The following TBC1D16 variants were observed in gnomAD, a reference collection of about 807,000 sequenced individuals.
TBC1D16 encodes CTD-2529O21.1.
A neutral mutation model predicts 74.7 loss-of-function variants in TBC1D16; 58 were observed. The observed-to-expected ratio is 0.78, with a 90% CI of 0.63 to 0.97. TBC1D16 has a LOEUF of 0.97. TBC1D16 is among the 50% of genes least tolerant of loss of function. TBC1D16 has a pLI of 0.00. For missense variants in TBC1D16, 1,014 were observed against 1,079.5 expected (o/e 0.94, Z 0.85); for synonymous variants, 493 against 474.7 (o/e 1.04, Z -0.50).
At position 79,961,518 on chromosome 17, in the gene TBC1D16, T is replaced by C. The variant is rs950910215; in HGVS notation, c.780-8700A>G. Among the ~76,000 whole-genome samples, 1 of 152,206 alleles carries C rather than the reference T, an allele frequency of 6.6e-6. No homozygotes were observed. The highest frequency in any genetic ancestry group is 2.4e-5 in the African/African-American group (1 of 41,458). On this transcript the variant is annotated intron_variant, in intron 3 of 11. Coordinates refer to ENST00000310924, the MANE Select transcript of TBC1D16 (RefSeq NM_019020.4). The surrounding 1 kb of genome is among the most constrained non-coding windows in gnomAD (Gnocchi z 4.8). ...TTACCAAGAGAAATAAAAACATATG[T>C]CCACGTGCAAAGACTTGCACATAAA... is the stretch of plus-strand genomic sequence containing the variant.
In TBC1D16 at chr17:79,983,773, G is replaced by A. The variant is rs922450982; in HGVS notation, c.779+26387C>T. On this transcript the variant is annotated intron_variant, in intron 3 of 11. Transcript: ENST00000310924. This position sits in a 1 kb window ranked among gnomAD's most constrained non-coding sequence, Gnocchi z 5.6. ...AGGAAGCTCTAGTTCAGACACAGGG[G>A]GCGCTGGGTCACGGGGTTCATTTAT... Among the ~76,000 whole-genome samples, 3 of 152,138 alleles carry A rather than the reference G, an allele frequency of 2.0e-5. No individual in the cohort carries two copies. The highest frequency in any genetic ancestry group is 4.4e-5 in the Non-Finnish European group (3 of 68,010).
At chr17:80,011,432 C>T (rs1190234666) in intron 2 of TBC1D16, among the ~76,000 whole-genome samples, 1 of 152,138 alleles carries the variant, frequency 6.6e-6, no homozygotes, top group African/African-American at 2.4e-5. Flanking sequence ...TGCCTGCAGC[C>T]TCCCTGTCTG....
chr17:80,022,568 C>T (rs956637747), intron 1 of TBC1D16, among the ~76,000 whole-genome samples: 1 of 148,864 alleles, frequency 6.7e-6, no homozygotes, highest in Non-Finnish European at 1.5e-5. Flanking sequence ...CGAACTCCTG[C>T]CCTCAGGTGA....
intron 1 of TBC1D16, among the ~76,000 whole-genome samples, chr17:80,020,639 T>C (rs1341042664): frequency 6.7e-6 from 1 of 149,938 alleles, no homozygotes; most frequent in Non-Finnish European, 1.5e-5. Context: ...TCCATCTTCA[T>C]AGAATCAGCC....
chr17:80,003,384 G>A (rs745868202), intron 3 of TBC1D16, among the ~76,000 whole-genome samples: 16 of 152,168 alleles, frequency 1.1e-4, no homozygotes, highest in East Asian at 1.9e-4. Context: ...GAGAGAGAAC[G>A]AAACACTCAC....
At chr17:80,006,739 G>C (rs2035693145) in intron 3 of TBC1D16, among the ~76,000 whole-genome samples, 1 of 151,678 alleles carries the variant, frequency 6.6e-6, no homozygotes, top group Non-Finnish European at 1.5e-5. Flanking sequence ...GCTCACTGCA[G>C]CCTTCACCTC....
Position 79,979,945 on chromosome 17 carries a change from C to T in TBC1D16, c.780-27127G>A, listed in dbSNP as rs1390758417. On this transcript the variant is annotated intron_variant, in intron 3 of 11. Transcript: ENST00000310924. This position sits in a 1 kb window ranked among gnomAD's most constrained non-coding sequence, Gnocchi z 4.8. ...GAGGCCAAGGTCCAGGTCCCAGACA[C>T]ATCCATTATGGCCAAACACAAGAAG... Among the ~76,000 whole-genome samples, 1 of 152,136 alleles carries T rather than the reference C, an allele frequency of 6.6e-6. No homozygotes were observed. Among genetic ancestry groups the T allele is most frequent in the Non-Finnish European group, 1.5e-5 (1 of 68,028 alleles).
intron 3 of TBC1D16, among the ~76,000 whole-genome samples, chr17:80,002,565 G>A (rs1024693270): frequency 3.9e-5 from 6 of 152,316 alleles, no homozygotes; most frequent in South Asian, 2.1e-4. Flanking sequence ...TTATCATCTC[G>A]TCTTTCCCCC....
rs907499245 is a variant in TBC1D16, at chr17:79,983,687, T to C, written c.779+26473A>G. 5.3e-5 allele frequency among the ~76,000 whole-genome samples: 8 copies of C among 152,152 alleles called. No homozygotes were observed. The highest frequency in any genetic ancestry group is 1.9e-4 in the African/African-American group (8 of 41,442). On this transcript the variant is annotated intron_variant, in intron 3 of 11. Coordinates refer to ENST00000310924, the MANE Select transcript of TBC1D16 (RefSeq NM_019020.4). The surrounding 1 kb of genome is among the most constrained non-coding windows in gnomAD (Gnocchi z 5.6). ...CACGGCATTCCGGAAGGTGGTTCCT[T>C]CTGGAGACCGGGGCACGGAACGACC... is the stretch of plus-strand genomic sequence containing the variant.
rs1362872513 is a variant in TBC1D16 at position 79,956,771 on chromosome 17, A to C, written c.780-3953T>G. ...TTTCCTCTTGCTTTTCTTCATCCTG[A>C]GCCTTTTAAGTTTGCTGAAAAAAGT... On this transcript the variant is annotated intron_variant, in intron 3 of 11. Coordinates refer to ENST00000310924, the MANE Select transcript of TBC1D16 (RefSeq NM_019020.4). This position sits in a 1 kb window ranked among gnomAD's most constrained non-coding sequence, Gnocchi z 4.0. Among the ~76,000 whole-genome samples the C allele has an allele frequency of 6.6e-6, 1 of 152,324 alleles. No individual in the cohort carries two copies. Among genetic ancestry groups the C allele is most frequent in the Middle Eastern group, 3.4e-3 (1 of 294 alleles).
rs540464367 is a variant in TBC1D16 at position 79,975,466 on chromosome 17, CCT to C, written c.780-22650_780-22649del. Among the ~76,000 whole-genome samples, 108 of 152,214 alleles carry C rather than the reference CCT, an allele frequency of 7.1e-4. No individual in the cohort carries two copies. Among genetic ancestry groups the C allele is most frequent in the African/African-American group, 2.6e-3 (106 of 41,544 alleles). Reference sequence around the variant, plus strand: ...GAGCCAGCCAGGTGTTCTTTAAGCCCCTGTGAAGATTCCTTGATCAGTTACAC... The same window carrying C: ...GAGCCAGCCAGGTGTTCTTTAAGCCCGTGAAGATTCCTTGATCAGTTACAC... On this transcript the variant is annotated intron_variant, in intron 3 of 11. Transcript: ENST00000310924. The surrounding 1 kb of genome is among the most constrained non-coding windows in gnomAD (Gnocchi z 4.5).
Position 79,954,382 on chromosome 17 carries a change from C to T in TBC1D16, c.780-1564G>A, listed in dbSNP as rs558756508. ...GAGCCCTCTACTGCGTCAGGCATAGCCCTGGGCCTGGTGAGTGGCAGGTGG... is the reference window on the plus strand; with the variant it reads ...GAGCCCTCTACTGCGTCAGGCATAGTCCTGGGCCTGGTGAGTGGCAGGTGG... On this transcript the variant is annotated intron_variant, in intron 3 of 11. Coordinates refer to ENST00000310924, the MANE Select transcript of TBC1D16 (RefSeq NM_019020.4). The surrounding 1 kb of genome is among the most constrained non-coding windows in gnomAD (Gnocchi z 5.5). Among the ~76,000 whole-genome samples the T allele has an allele frequency of 2.6e-5, 4 of 152,324 alleles. No individual in the cohort carries two copies. The East Asian group carries it at 7.7e-4, about 29-fold the overall frequency.
At chr17:80,024,563 C>CCACA (rs1568648663) in intron 1 of TBC1D16, among the ~76,000 whole-genome samples, 2 of 59,222 alleles carry the variant, frequency 3.4e-5, no homozygotes, top group Non-Finnish European at 3.8e-5. Flanking sequence ...ACACCACACA[C>CCACA]GACACACCAT....
rs1245648169 is a variant in TBC1D16 at position 79,951,584 on chromosome 17, T to C, written c.955A>G (p.Thr319Ala). ...CTGGCAACGACCAGCTGGCCGCTGGTGCAGGCCTCGTCGCTGAAGGGCCAT... is the reference window on the plus strand; with the variant it reads ...CTGGCAACGACCAGCTGGCCGCTGGCGCAGGCCTCGTCGCTGAAGGGCCAT... ...LRLFFSDEACTSGQLVVASRE... is the reference protein window; with the variant it reads ...LRLFFSDEACASGQLVVASRE... Residue 319 changes from threonine to alanine, a missense_variant, in exon 5 of 12, where the codon ACC becomes GCC. Physicochemically the swap from Thr to Ala is moderately conservative, Grantham distance 58. Transcript: ENST00000310924. 6.2e-7 allele frequency: 1 copy of C among 1,613,560 alleles called. No individual in the cohort carries two copies. Among genetic ancestry groups the C allele is most frequent in the East Asian group, 2.2e-5 (1 of 44,864 alleles).
Position 80,031,642 on chromosome 17 carries a change from A to G in TBC1D16, c.-63+4153T>C, listed in dbSNP as rs535060736. Among the ~76,000 whole-genome samples, 45 of 152,272 alleles carry G rather than the reference A, an allele frequency of 3.0e-4. No homozygotes were observed. The South Asian group carries it at 8.5e-3, about 29-fold the overall frequency. On this transcript the variant is annotated intron_variant, in intron 1 of 11. Coordinates refer to ENST00000310924, the MANE Select transcript of TBC1D16 (RefSeq NM_019020.4). ...TGCCTCCAAGGAGAGACCATCTGCC[A>G]TTTGTGCACCCTTGATAGTAGATTG...
chr17:79,944,466 C>G lies in TBC1D16; in HGVS notation c.1908+442G>C, dbSNP rs771916213. Among the ~76,000 whole-genome samples, 5 of 152,114 alleles carry G rather than the reference C, an allele frequency of 3.3e-5. No homozygotes were observed. The highest frequency in any genetic ancestry group is 1.2e-4 in the African/African-American group (5 of 41,410). On this transcript the variant is annotated intron_variant, in intron 10 of 11. Coordinates refer to ENST00000310924, the MANE Select transcript of TBC1D16 (RefSeq NM_019020.4). The surrounding 1 kb of genome is among the most constrained non-coding windows in gnomAD (Gnocchi z 7.7). ...CACTGATTGGGGCCCTCTGGAGGGG[C>G]CGACAGGGAAGTGGGATCTCAGGCC...
chr17:79,944,851 C>T lies in TBC1D16; in HGVS notation c.1908+57G>A, dbSNP rs2032372304. 31 of 1,460,644 alleles carry T rather than the reference C, an allele frequency of 2.1e-5. No individual in the cohort carries two copies. Among genetic ancestry groups the T allele is most frequent in the East Asian group, 7.6e-5 (3 of 39,566 alleles). 90.5% of individuals were successfully genotyped at this position (1,460,644 alleles called of 1,614,324 possible). ...ACAGGGGCAGCAGGCAGGGTGGCCA[C>T]GGTGGTTCAGGGGCCATGGTCCCAA... On this transcript the variant is annotated intron_variant, in intron 10 of 11. Transcript: ENST00000310924. This position sits in a 1 kb window ranked among gnomAD's most constrained non-coding sequence, Gnocchi z 7.7.
intron 1 of TBC1D16, chr17:80,026,099 C>A (rs944809165): frequency 2.7e-5 from 4 of 150,174 alleles, no homozygotes; most frequent in Admixed American, 2.0e-4. Flanking sequence ...CTGTGATACA[C>A]CTAAATAATG....
At chr17:79,969,768 C>T (rs879708443) in intron 3 of TBC1D16, among the ~76,000 whole-genome samples, 2 of 151,900 alleles carry the variant, frequency 1.3e-5, no homozygotes, top group African/African-American at 2.4e-5. Context: ...ATGGTGAAAC[C>T]CCATCTCTAC....
Sources: allele counts gnomAD v4.1 joint callset (sites outside exome capture counted in the v4.1 genomes callset), GRCh38; gene constraint gnomAD v4.1.1; non-coding constraint Gnocchi (gnomAD v3.1); transcripts MANE v1.5; gene names NCBI Gene and HGNC (gene_info 2026-07-23, HGNC 2026-07-21).